Variants in EDA observed in about 807,000 individuals in gnomAD.
EDA encodes ectodysplasin A, also known as ectodysplasin-A.
Under a neutral mutation model 23.6 loss-of-function variants are expected in EDA, and 2 were observed. That is an observed-to-expected ratio of 0.08 (90% confidence interval 0.03 to 0.27). EDA has a LOEUF of 0.27. EDA is among the 10% of genes least tolerant of loss of function. EDA has a pLI of 1.00. For missense variants in EDA, 229 were observed against 324.2 expected (o/e 0.71, Z 2.26); for synonymous variants, 131 against 132.0 (o/e 0.99, Z 0.05).
At chrX:69,845,406 C>G (rs1251352317) in intron 1 of EDA, among the ~76,000 whole-genome samples, 1 of 111,818 alleles carries the variant, frequency 8.9e-6, no homozygotes, top group Admixed American at 9.5e-5. Context: ...ACTTTTGTCT[C>G]CCAGTGACTG....
At chrX:69,854,189 GTTTGT>G (rs751836017) in intron 1 of EDA, among the ~76,000 whole-genome samples, 4 of 109,955 alleles carry the variant, frequency 3.6e-5, no homozygotes, top group Non-Finnish European at 7.6e-5. Context: ...CCCCACTGTG[GTTTGT>G]TTTGTTTTGT....
chrX:69,955,218 A>G (rs928110126), intron 1 of EDA, among the ~76,000 whole-genome samples: 1 of 111,927 alleles, frequency 8.9e-6, no homozygotes, highest in Admixed American at 9.5e-5. Context: ...AAACTTTATT[A>G]TGTTGATTGT....
intron 1 of EDA, among the ~76,000 whole-genome samples, chrX:69,931,895 A>T (rs760491870): frequency 8.9e-6 from 1 of 112,248 alleles, no homozygotes; most frequent in South Asian, 3.7e-4. Flanking sequence ...TTGCACACCA[A>T]TGTCTGTAAC....
intron 2 of EDA, among the ~76,000 whole-genome samples, chrX:69,995,311 G>A (rs1485031512): frequency 1.8e-5 from 2 of 112,025 alleles, no homozygotes; most frequent in African/African-American, 6.5e-5. Context: ...CCAATCCCTT[G>A]AGAGAAGACA....
chrX:69,935,127 C>A (rs1304623289), intron 1 of EDA, among the ~76,000 whole-genome samples: 1 of 111,997 alleles, frequency 8.9e-6, no homozygotes. Context: ...GTATCTCATT[C>A]TTTTTATGGA....
intron 1 of EDA, among the ~76,000 whole-genome samples, chrX:69,623,615 A>G (rs759136475): frequency 1.8e-4 from 20 of 108,662 alleles, no homozygotes; most frequent in Admixed American, 6.8e-4. Flanking sequence ...TTTTCTCTGT[A>G]TTCTATCCTT....
In EDA at chrX:69,681,798, G is replaced by A. The variant is rs193067161; in HGVS notation, c.396+65094G>A. On this transcript the variant is annotated intron_variant, in intron 1 of 7. Coordinates refer to ENST00000374552, the MANE Select transcript of EDA (RefSeq NM_001399.5). ...TCCTGTAGCTCGGAGTAATTTGATC[G>A]TCTGAAGCCTTCTTCTCTCAGCTCG... 8.1e-5 allele frequency among the ~76,000 whole-genome samples: 9 copies of A among 111,264 alleles called. No homozygotes were observed. The East Asian group carries it at 1.4e-3, about 18-fold the overall frequency.
intron 1 of EDA, among the ~76,000 whole-genome samples, chrX:69,787,347 G>A (rs1286820722): frequency 2.0e-4 from 20 of 101,051 alleles, no homozygotes; most frequent in Non-Finnish European, 1.8e-4. Flanking sequence ...ATGTTAGCTG[G>A]TTATTTTGCT....
intron 1 of EDA, among the ~76,000 whole-genome samples, chrX:69,798,534 C>A (rs774312573): frequency 9.0e-6 from 1 of 111,138 alleles, no homozygotes; most frequent in East Asian, 2.8e-4. Flanking sequence ...TCTACAAATA[C>A]CTGGAAATTA....
chrX:69,769,885 T>A (rs2014578006), intron 1 of EDA, among the ~76,000 whole-genome samples: 1 of 111,363 alleles, frequency 9.0e-6, no homozygotes. Flanking sequence ...GCAGGGGTGG[T>A]GTGTGTGGTG....
chrX:69,860,004 C>A (rs1173077405), intron 1 of EDA, among the ~76,000 whole-genome samples: 2 of 101,913 alleles, frequency 2.0e-5, no homozygotes, highest in Admixed American at 2.2e-4. Context: ...TTTTTTTTAT[C>A]TTTGCTGGTT....
At chrX:69,771,298 C>G (rs1262089203) in intron 1 of EDA, among the ~76,000 whole-genome samples, 2 of 110,712 alleles carry the variant, frequency 1.8e-5, no homozygotes, top group Admixed American at 1.9e-4. Context: ...GACCCCGTGA[C>G]CTGCCCACCT....
chrX:69,701,806 G>C (rs2011540604), intron 1 of EDA, among the ~76,000 whole-genome samples: 1 of 111,360 alleles, frequency 9.0e-6, no homozygotes, highest in Non-Finnish European at 1.9e-5. Context: ...TTTGAGTCCT[G>C]CAAGGAGACA....
intron 2 of EDA, among the ~76,000 whole-genome samples, chrX:70,020,957 T>C (rs2020025289): frequency 8.9e-6 from 1 of 112,489 alleles, no homozygotes; most frequent in Non-Finnish European, 1.9e-5. Context: ...CTCTTTTGTA[T>C]GTATATACGT....
chrX:69,739,426 T>TA (rs1398911781), intron 1 of EDA, among the ~76,000 whole-genome samples: 7 of 110,624 alleles, frequency 6.3e-5, no homozygotes, highest in East Asian at 2.8e-4. Flanking sequence ...CCTTATTTTT[T>TA]TAAAAAAAGT....
intron 2 of EDA, among the ~76,000 whole-genome samples, chrX:69,961,795 T>C (rs774773194): frequency 8.9e-6 from 1 of 112,420 alleles, no homozygotes; most frequent in East Asian, 2.8e-4. Flanking sequence ...ATGTGAGGCC[T>C]TTGGTTGTTG....
At chrX:69,966,400 T>C in intron 2 of EDA, among the ~76,000 whole-genome samples, 1 of 110,123 alleles carries the variant, frequency 9.1e-6, no homozygotes, top group African/African-American at 3.3e-5. Context: ...GCTAACATGG[T>C]GAAACCCCGT....
At chrX:69,786,892 G>A (rs1471805300) in intron 1 of EDA, among the ~76,000 whole-genome samples, 1 of 107,719 alleles carries the variant, frequency 9.3e-6, no homozygotes, top group Non-Finnish European at 1.9e-5. Flanking sequence ...ACAGTGGGGT[G>A]TTAAAGTCTC....
At chrX:69,835,781 G>A (rs2147551224) in intron 1 of EDA, among the ~76,000 whole-genome samples, 1 of 111,988 alleles carries the variant, frequency 8.9e-6, no homozygotes, top group Non-Finnish European at 1.9e-5. Flanking sequence ...AGCCTTTGGA[G>A]GAGAAGAGGC....
Sources: gnomAD v4.1 joint callset for allele counts (sites outside exome capture counted in the v4.1 genomes callset) on GRCh38, gnomAD v4.1.1 for gene constraint, MANE v1.5 for transcripts, NCBI Gene and HGNC (gene_info 2026-07-23, HGNC 2026-07-21) for gene names.